Variants in DLC1 observed in about 807,000 individuals in gnomAD.
DLC1 encodes rho GTPase-activating protein 7.
A neutral mutation model predicts 140.3 loss-of-function variants in DLC1; 54 were observed. The observed-to-expected ratio is 0.38, with a 90% CI of 0.31 to 0.48. DLC1 has a LOEUF of 0.48. Ranked by LOEUF, DLC1 falls within the 20% of genes least tolerant of loss-of-function variation. The pLI is 0.96. For missense variants in DLC1, 2,536 were observed against 1,907.0 expected (o/e 1.33, Z -6.14); for synonymous variants, 986 against 728.1 (o/e 1.35, Z -5.70).
rs377620610 is a variant in DLC1 at position 13,366,748 on chromosome 8, C to T, written c.1314+26805G>A. On this transcript the variant is annotated intron_variant, in intron 4 of 17. Coordinates refer to ENST00000276297, the MANE Select transcript of DLC1 (RefSeq NM_182643.3). ...ACTCAGTGAAGGCTCTATGCTCATC[C>T]TCAGACACAGGAAAGATCTTTCCAG... Among the ~76,000 whole-genome samples, 5 of 152,178 alleles carry T rather than the reference C, an allele frequency of 3.3e-5. No individual in the cohort carries two copies. In the East Asian group the frequency reaches 9.7e-4, roughly 29 times the overall value.
chr8:13,342,162 C>T (rs1019224246), intron 4 of DLC1: 21 of 152,172 alleles, frequency 1.4e-4, no homozygotes, highest in Non-Finnish European at 2.9e-4. Flanking sequence ...TCTACATTTT[C>T]CTCTGTGTAA....
chr8:13,462,883 T>G (rs1799738156), intron 2 of DLC1, among the ~76,000 whole-genome samples: 1 of 152,186 alleles, frequency 6.6e-6, no homozygotes, highest in Non-Finnish European at 1.5e-5. Context: ...GAACGCATAG[T>G]GTATCAGTTG....
intron 2 of DLC1, among the ~76,000 whole-genome samples, chr8:13,402,233 T>C (rs1275924132): frequency 6.6e-6 from 1 of 152,236 alleles, no homozygotes; most frequent in Non-Finnish European, 1.5e-5. Flanking sequence ...TTTGTATTTT[T>C]GTAAATGAGT....
At chr8:13,188,841 ATATTTT>A (rs1563149864) in intron 5 of DLC1, among the ~76,000 whole-genome samples, 1 of 26,690 alleles carries the variant, frequency 3.7e-5, no homozygotes, top group African/African-American at 1.2e-4. Context: ...ATATATATAT[ATATTTT>A]TTTTTTTTTT....
chr8:13,453,448 A>ATATATATGTG (rs1563360125), intron 2 of DLC1, among the ~76,000 whole-genome samples: 2 of 27,102 alleles, frequency 7.4e-5, no homozygotes, highest in Admixed American at 4.3e-4. Flanking sequence ...GTATATATAT[A>ATATATATGTG]CATATATATA....
intron 5 of DLC1, among the ~76,000 whole-genome samples, chr8:13,304,092 G>C (rs118055698): frequency 0.011 from 1,747 of 152,174 alleles, 14 homozygotes; most frequent in South Asian, 0.042. Flanking sequence ...GTGAATTATG[G>C]GGACAGCTAT....
At chr8:13,508,865 G>T (rs995220087) in intron 1 of DLC1, among the ~76,000 whole-genome samples, 3 of 152,042 alleles carry the variant, frequency 2.0e-5, no homozygotes, top group Admixed American at 2.0e-4. Context: ...GATTAATTCT[G>T]CAAATAAATT....
chr8:13,290,977 T>C (rs1391614688), intron 5 of DLC1, among the ~76,000 whole-genome samples: 2 of 152,280 alleles, frequency 1.3e-5, no homozygotes, highest in South Asian at 2.1e-4. Flanking sequence ...GGCGCGATCT[T>C]GGCTCCCTGC....
At chr8:13,218,378 G>C (rs1421889425) in intron 5 of DLC1, among the ~76,000 whole-genome samples, 1 of 152,156 alleles carries the variant, frequency 6.6e-6, no homozygotes, top group African/African-American at 2.4e-5. Flanking sequence ...ACAAAAGAAG[G>C]ATAAGCTGGA....
chr8:13,140,431 T>C (rs756418650), intron 5 of DLC1, among the ~76,000 whole-genome samples: 1 of 151,892 alleles, frequency 6.6e-6, no homozygotes, highest in African/African-American at 2.4e-5. Flanking sequence ...TGGAGTGTCG[T>C]CATGTTGCCC....
chr8:13,221,963 CAT>C (rs1008292528), intron 5 of DLC1, among the ~76,000 whole-genome samples: 110 of 142,270 alleles, frequency 7.7e-4, no homozygotes, highest in African/African-American at 2.4e-3. Context: ...TTTTATATAA[CAT>C]ATATAATTAA....
Position 13,098,413 on chromosome 8 carries a change from C to T in DLC1, c.3153G>A (p.Lys1051=). 2 of 1,613,882 alleles carry T rather than the reference C, an allele frequency of 1.2e-6. No homozygotes were observed. The highest frequency in any genetic ancestry group is 1.7e-6 in the Non-Finnish European group (2 of 1,179,944). ...ALLEKYTPSN[K]HGFSWAVPKF... is the part of the protein sequence containing the mutation. ...TAAACTCTTACCAGCTAAAACCATG[C>T]TTGTTAGAAGGTGTGTATTTCTCCA... The change falls in exon 10 of 18, where the codon AAG becomes AAA. Residue 1051 remains lysine (K), a synonymous_variant. Coordinates refer to ENST00000276297, the MANE Select transcript of DLC1 (RefSeq NM_182643.3).
At position 13,095,241 on chromosome 8, in the gene DLC1, C is replaced by T. The variant is rs150186144; in HGVS notation, c.3172G>A (p.Val1058Met). 7.7e-5 allele frequency: 124 copies of T among 1,614,112 alleles called. No individual in the cohort carries two copies. Among genetic ancestry groups the T allele is most frequent in the African/African-American group, 1.3e-4 (10 of 74,950 alleles). Residue 1058 changes from valine to methionine, a missense_variant, in exon 11 of 18, where the codon GTG (valine) becomes ATG (methionine). By Grantham distance (21) the Val-to-Met change is conservative. Coordinates refer to ENST00000276297, the MANE Select transcript of DLC1 (RefSeq NM_182643.3). ...TTGATCCTCTTCATGAACTTGGGCA[C>T]GGCCCTGTTAAAGAACACAGAGATG... is the stretch of plus-strand genomic sequence containing the variant. ...PSNKHGFSWA[V>M]PKFMKRIKVP...
At chr8:13,103,966 G>C (rs1291470417) in intron 7 of DLC1, among the ~76,000 whole-genome samples, 2 of 151,892 alleles carry the variant, frequency 1.3e-5, no homozygotes, top group Admixed American at 6.6e-5. Context: ...ACAGTGTCTT[G>C]TATTTGAAAT....
rs536314333 is a variant in DLC1, at chr8:13,563,345, T to C, written c.-126+41192A>G. The stretch of plus-strand genomic sequence containing the variant: ...AGATGTGGTCACAATGTGGCTGTTT[T>C]TAAAAAGGCCTAACTTGTAAGAGAT... On this transcript the variant is annotated intron_variant, in intron 1 of 1. Transcript: ENST00000631382. Among the ~76,000 whole-genome samples, 143 of 152,276 alleles carry C rather than the reference T, an allele frequency of 9.4e-4. 1 individual carries two copies. The highest frequency in any genetic ancestry group is 3.3e-3 in the African/African-American group (137 of 41,566).
intron 1 of DLC1, among the ~76,000 whole-genome samples, chr8:13,577,638 G>A (rs531410689): frequency 1.9e-4 from 29 of 152,208 alleles, no homozygotes; most frequent in African/African-American, 5.8e-4. Flanking sequence ...ATACTTTTAT[G>A]TTTTTGTTAT....
chr8:13,352,161 C>T (rs930556173), intron 4 of DLC1, among the ~76,000 whole-genome samples: 5 of 152,180 alleles, frequency 3.3e-5, no homozygotes, highest in African/African-American at 1.2e-4. Flanking sequence ...AAGCATCAGT[C>T]ATTGTGATCC....
chr8:13,090,072 T>A (rs1817913557), intron 15 of DLC1, among the ~76,000 whole-genome samples, 180 bp downstream of exon 15: 1 of 152,220 alleles, frequency 6.6e-6, no homozygotes, highest in African/African-American at 2.4e-5. Flanking sequence ...AAAATTACTC[T>A]TGCTTTGCCC....
chr8:13,240,047 G>A lies in DLC1; in HGVS notation c.1348+65222C>T, dbSNP rs138275462. Among the ~76,000 whole-genome samples, 231 of 152,300 alleles carry A rather than the reference G, an allele frequency of 1.5e-3. 1 individual carries two copies. The highest frequency in any genetic ancestry group is 5.4e-3 in the African/African-American group (225 of 41,572). ...AATAATCTTCATCTTCAAATGCACAGTAGACACGTGGGAACAAGATTAGGG... is the reference window on the plus strand; with the variant it reads ...AATAATCTTCATCTTCAAATGCACAATAGACACGTGGGAACAAGATTAGGG... On this transcript the variant is annotated intron_variant, in intron 5 of 17. Transcript: ENST00000276297.
Sources: gnomAD v4.1 joint callset for allele counts (sites outside exome capture counted in the v4.1 genomes callset) on GRCh38, gnomAD v4.1.1 for gene constraint, MANE v1.5 for transcripts, NCBI Gene and HGNC (gene_info 2026-07-23, HGNC 2026-07-21) for gene names.